The following SLC39A11 variants were observed in gnomAD, a reference collection of about 807,000 sequenced individuals.
SLC39A11 encodes the protein solute carrier family 39 member 11.
A neutral mutation model predicts 36.1 loss-of-function variants in SLC39A11; 33 were observed. The ratio of observed to expected loss-of-function variants is 0.91; its 90% CI spans 0.69 to 1.22. The LOEUF (loss-of-function observed/expected upper bound fraction) is 1.22. SLC39A11 is among the 50% of genes most tolerant of loss of function. SLC39A11 has a pLI of 0.00. For synonymous variants in SLC39A11, 166 were observed against 170.3 expected, an observed-to-expected ratio of 0.97 and a Z score of 0.20; for missense variants, 432 against 430.3, an observed-to-expected ratio of 1.00 and a Z score of -0.03.
chr17:73,041,178 A>G (rs1044505183), intron 3 of SLC39A11, among the ~76,000 whole-genome samples: 4 of 152,158 alleles, frequency 2.6e-5, no homozygotes, highest in African/African-American at 9.7e-5. Flanking sequence ...AACATGGCCA[A>G]TGGAACACAA....
intron 6 of SLC39A11, among the ~76,000 whole-genome samples, chr17:72,759,893 G>A (rs532043168): frequency 2.6e-5 from 4 of 152,332 alleles, no homozygotes; most frequent in African/African-American, 9.6e-5. Flanking sequence ...GCGCTGTCTT[G>A]TAATTAGTTA....
chr17:72,881,713 C>A (rs1344495562), intron 5 of SLC39A11, among the ~76,000 whole-genome samples: 1 of 152,140 alleles, frequency 6.6e-6, no homozygotes, highest in Non-Finnish European at 1.5e-5. Flanking sequence ...TTCTAAGTGG[C>A]AAATGACAAG....
intron 7 of SLC39A11, among the ~76,000 whole-genome samples, chr17:72,670,755 G>C (rs1466951753): frequency 6.6e-6 from 1 of 152,106 alleles, no homozygotes; most frequent in Admixed American, 6.5e-5. Context: ...ATGTTCTTTT[G>C]ACATGGCCTT....
intron 5 of SLC39A11, among the ~76,000 whole-genome samples, chr17:72,855,568 G>A (rs2079593689): frequency 6.6e-6 from 1 of 151,864 alleles, no homozygotes; most frequent in Non-Finnish European, 1.5e-5. Context: ...TCATTAAGTA[G>A]TATGTATACA....
chr17:73,087,263 CCAT>C (rs147215141), intron 2 of SLC39A11, among the ~76,000 whole-genome samples: 5,502 of 151,970 alleles, frequency 0.036, 111 homozygotes, highest in African/African-American at 0.068. Flanking sequence ...AGTCTCCAAC[CCAT>C]CAGCTCCCGG....
chr17:72,930,075 C>T (rs2084289941), intron 5 of SLC39A11, among the ~76,000 whole-genome samples: 1 of 152,182 alleles, frequency 6.6e-6, no homozygotes, highest in African/African-American at 2.4e-5. Context: ...ATGTCCTGTT[C>T]TGCAGGTTGA....
intron 5 of SLC39A11, among the ~76,000 whole-genome samples, chr17:72,868,887 A>C (rs1482756044): frequency 6.6e-6 from 1 of 152,206 alleles, no homozygotes; most frequent in African/African-American, 2.4e-5. Context: ...TTCCACGGAT[A>C]GACAGAACTC....
intron 7 of SLC39A11, among the ~76,000 whole-genome samples, chr17:72,722,362 C>G (rs1043730070): frequency 6.6e-6 from 1 of 152,200 alleles, no homozygotes; most frequent in African/African-American, 2.4e-5. Flanking sequence ...CAGATGAAAA[C>G]AGTAGCAGAA....
chr17:72,825,748 G>A (rs2078004446), intron 6 of SLC39A11, among the ~76,000 whole-genome samples: 1 of 152,190 alleles, frequency 6.6e-6, no homozygotes, highest in African/African-American at 2.4e-5. Flanking sequence ...AGATTATTTT[G>A]GAGCTTTAAG....
chr17:72,982,292 C>T (rs2088384246), intron 4 of SLC39A11, among the ~76,000 whole-genome samples: 1 of 152,048 alleles, frequency 6.6e-6, no homozygotes. Context: ...CACAAATATC[C>T]ACTGTATAAT....
In SLC39A11 at chr17:72,905,899, G is replaced by A. The variant is rs185968956; in HGVS notation, c.430+41853C>T. 2.1e-4 allele frequency among the ~76,000 whole-genome samples: 32 copies of A among 152,148 alleles called. No individual in the cohort carries two copies. The East Asian group carries it at 3.7e-3, about 18-fold the overall frequency. On this transcript the variant is annotated intron_variant, in intron 5 of 9. Transcript: ENST00000255559. The stretch of plus-strand genomic sequence containing the variant: ...CTCCTGAGTAGCTGGGACTACAGGC[G>A]CCCGCCACCACGCCCGGCTAATGTT...
intron 4 of SLC39A11, among the ~76,000 whole-genome samples, chr17:72,954,111 A>C (rs975677296): frequency 2.6e-5 from 4 of 151,980 alleles, no homozygotes; most frequent in Admixed American, 6.6e-5. Context: ...CAGTGGTGTG[A>C]TCTCAGCTCA....
intron 6 of SLC39A11, among the ~76,000 whole-genome samples, chr17:72,777,888 T>TGTATGTAC (rs2076189057): frequency 6.6e-6 from 1 of 151,614 alleles, no homozygotes; most frequent in Non-Finnish European, 1.5e-5. Context: ...TATGTATGTA[T>TGTATGTAC]GTATGTATGT....
chr17:72,835,815 T>C (rs542898938), intron 6 of SLC39A11, among the ~76,000 whole-genome samples: 1 of 152,332 alleles, frequency 6.6e-6, no homozygotes, highest in South Asian at 2.1e-4. Flanking sequence ...AGCTATTATC[T>C]GCATTTTACA....
At chr17:72,920,680 TCACC>T (rs1253232577) in intron 5 of SLC39A11, among the ~76,000 whole-genome samples, 2 of 90,034 alleles carry the variant, frequency 2.2e-5, no homozygotes, top group East Asian at 9.0e-4. Context: ...AACACACTTC[TCACC>T]CCCTTACAAC....
rs144156454 is a variant in SLC39A11, at chr17:73,035,463, G to A, written c.148-3749C>T. Among the ~76,000 whole-genome samples, 556 of 152,214 alleles carry A rather than the reference G, an allele frequency of 3.7e-3. 2 individuals carry two copies. Among genetic ancestry groups the A allele is most frequent in the Non-Finnish European group, 6.2e-3 (419 of 68,020 alleles). On this transcript the variant is annotated intron_variant, in intron 3 of 9. Coordinates refer to ENST00000255559, the MANE Select transcript of SLC39A11 (RefSeq NM_139177.4). The stretch of plus-strand genomic sequence containing the variant: ...CCAAAAAGTTATTTAAAGGGCGAGT[G>A]GGGTAGAAAAGACGACTGTATCCTA...
intron 5 of SLC39A11, among the ~76,000 whole-genome samples, chr17:72,940,868 C>T (rs187688251): frequency 1.3e-3 from 196 of 152,282 alleles, no homozygotes; most frequent in Admixed American, 1.8e-3. Context: ...GAAGTCCTAA[C>T]GCCCAGTACC....
At chr17:72,753,104 A>C (rs1447414493) in intron 6 of SLC39A11, among the ~76,000 whole-genome samples, 3 of 150,106 alleles carry the variant, frequency 2.0e-5, no homozygotes, top group Admixed American at 6.6e-5. Context: ...GTGACCCTCC[A>C]ACCTCGGTCT....
At chr17:73,026,057 G>A (rs1012474585) in intron 4 of SLC39A11, among the ~76,000 whole-genome samples, 6 of 151,896 alleles carry the variant, frequency 4.0e-5, no homozygotes, top group African/African-American at 9.7e-5. Flanking sequence ...GGCGGAGGTC[G>A]CAATGAGCCA....
Sources: gnomAD v4.1 joint callset for allele counts (sites outside exome capture counted in the v4.1 genomes callset) on GRCh38, gnomAD v4.1.1 for gene constraint, MANE v1.5 for transcripts, NCBI Gene and HGNC (gene_info 2026-07-23, HGNC 2026-07-21) for gene names.